MGST1: variants seen among roughly 807,000 people sequenced by gnomAD.
MGST1 encodes the protein glutathione S-transferase 12.
MGST1 carries 5 observed loss-of-function variants against 8.9 expected under a neutral mutation model. The observed-to-expected ratio is 0.56, with a 90% CI of 0.29 to 1.19. The LOEUF is 1.19. MGST1 is among the 50% of genes most tolerant of loss of function. MGST1 has a pLI of 0.08. For missense variants in MGST1, 182 were observed against 187.4 expected (o/e 0.97, Z 0.17); for synonymous variants, 54 against 67.8 (o/e 0.80, Z 1.00).
chr12:16,447,796 C>T (rs1232865493), intron 4 of MGST1, among the ~76,000 whole-genome samples: 1 of 151,932 alleles, frequency 6.6e-6, no homozygotes, highest in East Asian at 1.9e-4. Flanking sequence ...GGCTGTAGGC[C>T]TCAGTTGCTG....
chr12:16,402,207 T>A, intron 1 of MGST1: 1 of 1,585,166 alleles, frequency 6.3e-7, no homozygotes. Context: ...AAAGATGATT[T>A]TGTCATCACA....
At chr12:16,441,524 G>A (rs965318505), downstream of MGST1, among the ~76,000 whole-genome samples, 1 of 151,756 alleles carries the variant, frequency 6.6e-6, no homozygotes. Context: ...AGCGATCATT[G>A]ACTTTTTACT....
intron 4 of MGST1, among the ~76,000 whole-genome samples, chr12:16,565,923 G>T (rs555232535): frequency 7.2e-6 from 1 of 138,414 alleles, no homozygotes; most frequent in South Asian, 2.4e-4. Flanking sequence ...ATTTACAATA[G>T]TCAAGCTATG....
Position 16,401,425 on chromosome 12 carries a change from G to T in MGST1, n.778+17821G>T. ...CAGGAGTTCTGGCTTCTGCTTTTTA[G>T]CCACGTCCATGACAGCATTATATAC... is the stretch of plus-strand genomic sequence containing the variant. On this transcript the variant is annotated intron_variant and non_coding_transcript_variant, in intron 1 of 1. Transcript: ENST00000359720. The surrounding 1 kb of genome is among the most constrained non-coding windows in gnomAD (Gnocchi z 4.3). 1 of 905,798 alleles carries T rather than the reference G, an allele frequency of 1.1e-6. No homozygotes were observed. The allele number at this position is 905,798 out of a possible 1,614,324, so 56.1% of individuals were successfully genotyped here.
At chr12:16,485,831 A>G (rs577289010) in intron 4 of MGST1, among the ~76,000 whole-genome samples, 2 of 152,234 alleles carry the variant, frequency 1.3e-5, no homozygotes, top group South Asian at 4.1e-4. Flanking sequence ...TTTTTGTACT[A>G]AGCATTCAAT....
rs941835697 is a variant in MGST1 at position 16,410,119 on chromosome 12, G to A, written n.778+26515G>A. Among the ~76,000 whole-genome samples, 6 of 152,060 alleles carry A rather than the reference G, an allele frequency of 3.9e-5. No individual in the cohort carries two copies. The highest frequency in any genetic ancestry group is 8.8e-5 in the Non-Finnish European group (6 of 68,008). ...AATCTGCAAGGGTCTGAGTAATGAA[G>A]TTTAAGTTTGTCAGGTTCAGCAAAT... On this transcript the variant is annotated intron_variant and non_coding_transcript_variant, in intron 1 of 1. Coordinates refer to the MGST1 transcript ENST00000359720. The surrounding 1 kb of genome is among the most constrained non-coding windows in gnomAD (Gnocchi z 4.4).
At chr12:16,348,528 T>G (rs1333991150) in intron 1 of MGST1, among the ~76,000 whole-genome samples, 1 of 152,194 alleles carries the variant, frequency 6.6e-6, no homozygotes, top group African/African-American at 2.4e-5. Context: ...AATGTGGCAG[T>G]CTGAGCTCCA....
rs1036778671 is a variant in MGST1, at chr12:16,387,221, A to G, written n.778+3617A>G. ...GGGAAAAAAAACAGCACAGTCATGCATTGCATAATGACATTTTGGTCAATG... is the reference window on the plus strand; with the variant it reads ...GGGAAAAAAAACAGCACAGTCATGCGTTGCATAATGACATTTTGGTCAATG... On this transcript the variant is annotated intron_variant and non_coding_transcript_variant, in intron 1 of 1. Transcript: ENST00000359720. Among the ~76,000 whole-genome samples, 7 of 152,202 alleles carry G rather than the reference A, an allele frequency of 4.6e-5. No individual in the cohort carries two copies. The East Asian group carries it at 9.6e-4, about 21-fold the overall frequency.
intron 4 of MGST1, among the ~76,000 whole-genome samples, chr12:16,575,118 G>A (rs1164085373): frequency 6.6e-6 from 1 of 152,134 alleles, no homozygotes; most frequent in Non-Finnish European, 1.5e-5. Context: ...ACCTGGTACT[G>A]ACTTCCAAGT....
chr12:16,553,756 A>G (rs932146561), intron 4 of MGST1, among the ~76,000 whole-genome samples: 1 of 152,076 alleles, frequency 6.6e-6, no homozygotes. Flanking sequence ...TTTCAGAGAC[A>G]GCAATACAGA....
intron 4 of MGST1, among the ~76,000 whole-genome samples, chr12:16,552,627 T>A (rs1421515465): frequency 1.3e-5 from 2 of 152,060 alleles, no homozygotes; most frequent in East Asian, 3.9e-4. Context: ...TTAGCTTTCC[T>A]CTTAAAGGAA....
intron 4 of MGST1, among the ~76,000 whole-genome samples, chr12:16,569,513 C>A (rs567422441): frequency 6.6e-6 from 1 of 152,110 alleles, no homozygotes; most frequent in Non-Finnish European, 1.5e-5. Flanking sequence ...CAAAGCCTTA[C>A]GAGCAGGTGT....
Position 16,387,973 on chromosome 12 carries a change from T to C in MGST1, n.778+4369T>C, listed in dbSNP as rs572834873. On this transcript the variant is annotated intron_variant and non_coding_transcript_variant, in intron 1 of 1. Transcript: ENST00000359720. ...AATAGTCTACACCATATAGCCTAGG[T>C]ATGTGGTAGGCCATACCATCTAGGT... Among the ~76,000 whole-genome samples the C allele has an allele frequency of 1.6e-4, 24 of 152,122 alleles. No individual in the cohort carries two copies. In the East Asian group the frequency reaches 3.7e-3, roughly 24 times the overall value.
chr12:16,568,670 A>T (rs1035477932), intron 4 of MGST1, among the ~76,000 whole-genome samples: 4 of 152,236 alleles, frequency 2.6e-5, no homozygotes, highest in African/African-American at 9.6e-5. Flanking sequence ...GATACATTGC[A>T]TTAAATACGT....
chr12:16,562,346 G>A lies in MGST1; in HGVS notation n.483-27182G>A, dbSNP rs569872256. 5.3e-5 allele frequency among the ~76,000 whole-genome samples: 8 copies of A among 152,228 alleles called. No homozygotes were observed. The South Asian group carries it at 1.7e-3, about 32-fold the overall frequency. Reference sequence around the variant, plus strand: ...AAAACTTAAAAGTTCTTTATTCAATGAATATAGATATACTTGTGTATATAA... The same window carrying A: ...AAAACTTAAAAGTTCTTTATTCAATAAATATAGATATACTTGTGTATATAA... On this transcript the variant is annotated intron_variant and non_coding_transcript_variant, in intron 4 of 4. Transcript: ENST00000538857.
At chr12:16,509,318 T>C (rs1352690036) in intron 4 of MGST1, among the ~76,000 whole-genome samples, 3 of 152,178 alleles carry the variant, frequency 2.0e-5, no homozygotes, top group Admixed American at 6.5e-5. Flanking sequence ...TGGATTACCA[T>C]ATTTCTTCTT....
chr12:16,515,553 T>G (rs1174057051), intron 4 of MGST1, among the ~76,000 whole-genome samples: 1 of 146,338 alleles, frequency 6.8e-6, no homozygotes, highest in African/African-American at 2.5e-5. Flanking sequence ...TCGCTTGAAC[T>G]GGGGAGGCGG....
At chr12:16,448,936 G>C (rs373101740) in intron 4 of MGST1, among the ~76,000 whole-genome samples, 1 of 151,768 alleles carries the variant, frequency 6.6e-6, no homozygotes, top group Non-Finnish European at 1.5e-5. Flanking sequence ...AAGAAGAGAG[G>C]GGGAAGGTTA....
chr12:16,384,022 A>C (rs1292147156), intron 1 of MGST1, among the ~76,000 whole-genome samples: 1 of 152,168 alleles, frequency 6.6e-6, no homozygotes, highest in Non-Finnish European at 1.5e-5. Context: ...AATAGGAATT[A>C]ACACAGGTGC....
Sources: gnomAD v4.1 joint callset for allele counts (sites outside exome capture counted in the v4.1 genomes callset) on GRCh38, gnomAD v4.1.1 for gene constraint, Gnocchi (gnomAD v3.1) non-coding constraint, MANE v1.5 for transcripts, NCBI Gene and HGNC (gene_info 2026-07-23, HGNC 2026-07-21) for gene names.